Variants in RNF175 observed in about 807,000 individuals in gnomAD.
RNF175 encodes ring finger protein 175.
RNF175 carries 38 observed loss-of-function variants against 50.0 expected under a neutral mutation model. The ratio of observed to expected loss-of-function variants is 0.76; its 90% confidence interval spans 0.59 to 1.00. RNF175 has a LOEUF of 1.00. RNF175 is among the 50% of genes least tolerant of loss of function. RNF175 has a pLI of 0.00. For synonymous variants in RNF175, 155 were observed against 146.1 expected, an observed-to-expected ratio of 1.06 and a Z score of -0.44; for missense variants, 388 against 409.6, an observed-to-expected ratio of 0.95 and a Z score of 0.46.
chr4:153,757,198 C>T (rs984836121), intron 1 of RNF175, among the ~76,000 whole-genome samples: 17 of 152,158 alleles, frequency 1.1e-4, no homozygotes, highest in Non-Finnish European at 7.4e-5. Flanking sequence ...CGGTGAGGCC[C>T]CTACCAGGAT....
chr4:153,721,342 G>A (rs899624361), intron 5 of RNF175: 1 of 152,184 alleles, frequency 6.6e-6, no homozygotes, highest in Non-Finnish European at 1.5e-5. Flanking sequence ...CAAGAGTTGG[G>A]TAGTCTCTCT....
At chr4:153,750,686 TC>T (rs1402744772) in intron 2 of RNF175, among the ~76,000 whole-genome samples, 1 of 150,468 alleles carries the variant, frequency 6.6e-6, no homozygotes, top group Non-Finnish European at 1.5e-5. Flanking sequence ...ACAAACTTGT[TC>T]CCCTGAAGAT....
chr4:153,752,790 T>C (rs1250688842), intron 1 of RNF175, among the ~76,000 whole-genome samples: 2 of 152,076 alleles, frequency 1.3e-5, no homozygotes, highest in African/African-American at 4.8e-5. Flanking sequence ...AATAAGCATA[T>C]GTAAAAAGGG....
At position 153,720,254 on chromosome 4, in the gene RNF175, C is replaced by T. The variant is rs770361219; in HGVS notation, c.560G>A (p.Gly187Asp). 1.9e-6 allele frequency: 3 copies of T among 1,613,054 alleles called. No homozygotes were observed. Among genetic ancestry groups the T allele is most frequent in the Non-Finnish European group, 2.5e-6 (3 of 1,179,138 alleles). Residue 187 changes from glycine (G) to aspartate (D), a missense_variant, in exon 6 of 9, where the codon GGC (glycine) becomes GAC (aspartate). By Grantham distance (94) the Gly-to-Asp change is moderately conservative (BLOSUM62 -1). Transcript: ENST00000347063. ...MDFGIVSLFY[G>D]LYYGVMGRDF... is the part of the protein sequence containing the mutation. ...TCTCCCCATTACTCCATAGTAGAGGCCGTAGAACAAAGACACAATGCCAAA... is the reference window on the plus strand; with the variant it reads ...TCTCCCCATTACTCCATAGTAGAGGTCGTAGAACAAAGACACAATGCCAAA...
At chr4:153,747,039 T>C (rs888218902) in intron 3 of RNF175, among the ~76,000 whole-genome samples, 5 of 152,160 alleles carry the variant, frequency 3.3e-5, no homozygotes, top group Non-Finnish European at 5.9e-5. Flanking sequence ...TGGTCCTGTG[T>C]AGGGTACAAT....
intron 1 of RNF175, among the ~76,000 whole-genome samples, chr4:153,758,757 G>A (rs1740676226): frequency 6.6e-6 from 1 of 151,390 alleles, no homozygotes; most frequent in African/African-American, 2.4e-5. Context: ...TTGTCCCATG[G>A]CCATCCATCC....
intron 7 of RNF175, 24 bp downstream of exon 7, chr4:153,715,505 A>G (rs1253105100): frequency 1.3e-6 from 2 of 1,562,130 alleles, no homozygotes; most frequent in Non-Finnish European, 1.7e-6. Flanking sequence ...ATGAAGCCCA[A>G]ACAATTTCCT....
chr4:153,756,904 C>G (rs1158591351), intron 1 of RNF175, among the ~76,000 whole-genome samples: 1 of 152,224 alleles, frequency 6.6e-6, no homozygotes, highest in Non-Finnish European at 1.5e-5. Context: ...GGGTGTCCCC[C>G]TCCTCTGAGG....
At chr4:153,720,537 G>A in intron 5 of RNF175, 2 of 433,886 alleles carry the variant, frequency 4.6e-6, no homozygotes, top group Non-Finnish European at 8.5e-6. Context: ...TAGCCTTCAA[G>A]TGCTTCTTAG....
At chr4:153,748,858 AAAAAACAAAAAAAC>A (rs1740138877) in intron 2 of RNF175, 72 bp from the exon 3 acceptor site, 1 of 1,383,944 alleles carries the variant, frequency 7.2e-7, no homozygotes. Context: ...AACAAAAAAC[AAAAAACAAAAAAAC>A]AAAAAACAGG....
intron 8 of RNF175, among the ~76,000 whole-genome samples, chr4:153,711,123 G>A (rs1430326977): frequency 6.6e-6 from 1 of 152,158 alleles, no homozygotes; most frequent in East Asian, 1.9e-4. Context: ...CTTTGTTAAA[G>A]TATCACTTGA....
intron 1 of RNF175, among the ~76,000 whole-genome samples, chr4:153,756,057 G>A (rs747231692): frequency 6.6e-6 from 1 of 152,188 alleles, no homozygotes; most frequent in Non-Finnish European, 1.5e-5. Flanking sequence ...TGCTCCATGG[G>A]TGGTGATACA....
intron 6 of RNF175, among the ~76,000 whole-genome samples, chr4:153,716,173 C>A (rs1011905679): frequency 3.3e-4 from 50 of 151,826 alleles, no homozygotes; most frequent in African/African-American, 1.2e-3. Context: ...GGTTTCCAGG[C>A]AAAAACTCAT....
intron 3 of RNF175, among the ~76,000 whole-genome samples, chr4:153,736,867 CT>C (rs776179257): frequency 2.0e-5 from 3 of 152,046 alleles, no homozygotes; most frequent in African/African-American, 7.2e-5. Context: ...TTTCTTTTCT[CT>C]TTTTTCAGGG....
At chr4:153,750,746 A>T (rs1023268015) in intron 2 of RNF175, among the ~76,000 whole-genome samples, 4 of 152,220 alleles carry the variant, frequency 2.6e-5, no homozygotes, top group Non-Finnish European at 5.9e-5. Context: ...TGGTTTATAC[A>T]GCTCCAAATC....
chr4:153,750,174 A>G lies in RNF175; in HGVS notation c.104+1264T>C, dbSNP rs558584226. Among the ~76,000 whole-genome samples, 361 of 152,306 alleles carry G rather than the reference A, an allele frequency of 2.4e-3. 4 individuals carry two copies. Among genetic ancestry groups the G allele is most frequent in the African/African-American group, 8.2e-3 (339 of 41,572 alleles). On this transcript the variant is annotated intron_variant, in intron 2 of 8. Transcript: ENST00000347063. ...TATCTTTCATCCCTAGTGTGGCACC[A>G]TCAGTCACAAAATCTCTTAAGTTTC... is the stretch of plus-strand genomic sequence containing the variant.
At chr4:153,721,305 G>A (rs1427514410) in intron 5 of RNF175, 3 of 152,316 alleles carry the variant, frequency 2.0e-5, no homozygotes, top group Non-Finnish European at 4.4e-5. Context: ...GGTTCTGATT[G>A]ATTCAGGGAA....
intron 6 of RNF175, among the ~76,000 whole-genome samples, chr4:153,719,112 C>T (rs1738164344): frequency 1.3e-5 from 2 of 152,128 alleles, no homozygotes; most frequent in South Asian, 4.1e-4. Context: ...GCTCTCCCTC[C>T]CGCTCCCGAT....
At chr4:153,742,606 T>C (rs1739730109) in intron 3 of RNF175, among the ~76,000 whole-genome samples, 1 of 152,182 alleles carries the variant, frequency 6.6e-6, no homozygotes, top group Admixed American at 6.5e-5. Context: ...GTTCTTGATA[T>C]GAGAGCAAAT....
Sources: allele counts gnomAD v4.1 joint callset (sites outside exome capture counted in the v4.1 genomes callset), GRCh38; gene constraint gnomAD v4.1.1; transcripts MANE v1.5; gene names NCBI Gene and HGNC (gene_info 2026-07-23, HGNC 2026-07-21).